Variants in CDH4 observed in about 807,000 individuals in gnomAD.
CDH4 encodes cadherin 4, also known as cadherin-4.
CDH4 carries 33 observed loss-of-function variants against 86.0 expected under a neutral mutation model. The observed-to-expected ratio is 0.38, with a 90% CI of 0.29 to 0.51. The LOEUF is 0.51. CDH4 is among the 20% of genes least tolerant of loss of function. CDH4 has a pLI of 0.86. For missense variants in CDH4, 1,114 were observed against 1,307.4 expected (o/e 0.85, Z 2.28); for synonymous variants, 555 against 549.4 (o/e 1.01, Z -0.14).
intron 2 of CDH4, among the ~76,000 whole-genome samples, chr20:61,319,203 A>G (rs189891525): frequency 5.7e-5 from 6 of 104,622 alleles, no homozygotes; most frequent in Non-Finnish European, 9.6e-5. Context: ...TAAATATTAT[A>G]ATATATAATA....
chr20:61,313,421 G>A (rs6093090), intron 2 of CDH4, among the ~76,000 whole-genome samples: 2,118 of 152,238 alleles, frequency 0.014, 60 homozygotes, highest in African/African-American at 0.049. Flanking sequence ...GGCATCTTTC[G>A]CTCTCATTTT....
intron 2 of CDH4, among the ~76,000 whole-genome samples, chr20:61,442,220 G>A (rs1416324287): frequency 1.3e-5 from 2 of 152,146 alleles, no homozygotes; most frequent in Non-Finnish European, 1.5e-5. Flanking sequence ...AATCCCAAAC[G>A]CAGGGCAAGC....
chr20:61,925,441 C>T (rs2055034812), intron 11 of CDH4, among the ~76,000 whole-genome samples: 1 of 152,210 alleles, frequency 6.6e-6, no homozygotes, highest in Non-Finnish European at 1.5e-5. Context: ...TCTTAGTACC[C>T]CTGAGAATCA....
intron 2 of CDH4, among the ~76,000 whole-genome samples, chr20:61,629,928 G>A (rs1388346782): frequency 1.3e-5 from 2 of 152,198 alleles, no homozygotes; most frequent in African/African-American, 2.4e-5. Flanking sequence ...GTGACTCAGC[G>A]CAAGGAGTCA....
intron 2 of CDH4, among the ~76,000 whole-genome samples, chr20:61,426,782 A>G (rs930601943): frequency 6.6e-6 from 1 of 152,236 alleles, no homozygotes; most frequent in Non-Finnish European, 1.5e-5. Flanking sequence ...AGAAGCATGG[A>G]TGCTTTCTTC....
intron 2 of CDH4, among the ~76,000 whole-genome samples, chr20:61,395,892 G>A (rs2085014087): frequency 6.6e-6 from 1 of 152,210 alleles, no homozygotes; most frequent in African/African-American, 2.4e-5. Flanking sequence ...CCTGCTTAAT[G>A]ATAGCCAGCA....
chr20:61,498,028 AGG>A (rs1264527746), intron 2 of CDH4, among the ~76,000 whole-genome samples: 1 of 128,118 alleles, frequency 7.8e-6, no homozygotes, highest in Non-Finnish European at 1.5e-5. Flanking sequence ...GGACACAGGA[AGG>A]GGAACATCAC....
intron 3 of CDH4, among the ~76,000 whole-genome samples, chr20:61,759,713 G>C (rs946906438): frequency 6.6e-6 from 1 of 151,930 alleles, no homozygotes; most frequent in Non-Finnish European, 1.5e-5. Context: ...TTTTGTTTAA[G>C]GTGTTTCTAA....
intron 2 of CDH4, among the ~76,000 whole-genome samples, chr20:61,609,582 C>T (rs897666399): frequency 2.1e-4 from 32 of 152,322 alleles, no homozygotes; most frequent in African/African-American, 6.5e-4. Context: ...ACCCAGCACA[C>T]GACACGCAGC....
intron 2 of CDH4, among the ~76,000 whole-genome samples, chr20:61,366,731 C>CA (rs1199699292): frequency 1.3e-5 from 2 of 152,200 alleles, no homozygotes; most frequent in Non-Finnish European, 2.9e-5. Context: ...CTGGGTGGGC[C>CA]AGGTGTTCCT....
intron 6 of CDH4, among the ~76,000 whole-genome samples, chr20:61,864,108 C>T (rs1434989635): frequency 1.3e-5 from 2 of 152,264 alleles, no homozygotes; most frequent in African/African-American, 4.8e-5. Context: ...GGACAAGACA[C>T]AGGGCAGGGC....
intron 2 of CDH4, among the ~76,000 whole-genome samples, chr20:61,635,944 G>T (rs961878177): frequency 6.6e-6 from 1 of 152,210 alleles, no homozygotes; most frequent in Admixed American, 6.5e-5. Flanking sequence ...GTCTTCCAGG[G>T]AGGGGCAGAG....
intron 4 of CDH4, among the ~76,000 whole-genome samples, chr20:61,792,041 G>C (rs150691697): frequency 1.3e-5 from 2 of 152,188 alleles, no homozygotes; most frequent in South Asian, 2.1e-4. Context: ...TGGCTGCCTG[G>C]TGGGGCTGGA....
At chr20:61,540,749 G>T (rs1052081445) in intron 2 of CDH4, among the ~76,000 whole-genome samples, 5 of 152,126 alleles carry the variant, frequency 3.3e-5, no homozygotes, top group African/African-American at 1.2e-4. Context: ...AAGACTGGAT[G>T]CCAGTTTCTT....
At chr20:61,454,399 G>A (rs2085396318) in intron 2 of CDH4, among the ~76,000 whole-genome samples, 1 of 152,138 alleles carries the variant, frequency 6.6e-6, no homozygotes, top group Non-Finnish European at 1.5e-5. Context: ...TTAGTGAAGA[G>A]CCCGCAAGAC....
At chr20:61,610,589 C>G (rs1232685741) in intron 2 of CDH4, among the ~76,000 whole-genome samples, 2 of 152,102 alleles carry the variant, frequency 1.3e-5, no homozygotes, top group South Asian at 4.1e-4. Flanking sequence ...GTTCTGGAGG[C>G]GGTGGTCCTA....
At position 61,350,371 on chromosome 20, in the gene CDH4, G is replaced by A. The variant is rs1483370908; in HGVS notation, c.169+95434G>A. Among the ~76,000 whole-genome samples, 58 of 6,490 alleles carry A rather than the reference G, an allele frequency of 8.9e-3. 15 individuals carry two copies. The highest frequency in any genetic ancestry group is 0.037 in the African/African-American group (42 of 1,122). 4.3% of individuals were successfully genotyped at this position (6,490 alleles called of 152,430 possible). A position where few individuals can be genotyped will look rare whatever the true frequency, so the allele number is the denominator to read the frequency against. ...CTCCCCCAGTGCTGCAGAGGCCAGC[G>A]GAACACCTCTGACCTTGCCTCTCCC... On this transcript the variant is annotated intron_variant, in intron 2 of 15. Transcript: ENST00000614565.
At chr20:61,775,863 G>A (rs975193140) in intron 4 of CDH4, among the ~76,000 whole-genome samples, 1 of 152,190 alleles carries the variant, frequency 6.6e-6, no homozygotes, top group Non-Finnish European at 1.5e-5. Context: ...CTGAAAGGTG[G>A]GAATTTCTTC....
At chr20:61,303,449 C>T (rs1362437998) in intron 2 of CDH4, among the ~76,000 whole-genome samples, 1 of 84,054 alleles carries the variant, frequency 1.2e-5, no homozygotes, top group African/African-American at 3.8e-5. Flanking sequence ...CCCGTCTGGC[C>T]CTGCTCTTGC....
Sources: allele counts gnomAD v4.1 joint callset (sites outside exome capture counted in the v4.1 genomes callset), GRCh38; gene constraint gnomAD v4.1.1; transcripts MANE v1.5; gene names NCBI Gene and HGNC (gene_info 2026-07-23, HGNC 2026-07-21).